TPRG1: variants seen among roughly 807,000 people sequenced by gnomAD.
The protein encoded by TPRG1 is tumor protein p63 regulated 1, also known as tumor protein p63-regulated gene 1 protein.
Under a neutral mutation model 29.3 loss-of-function variants are expected in TPRG1, and 29 were observed. The observed-to-expected ratio is 0.99, with a 90% CI of 0.74 to 1.35. TPRG1 has a LOEUF of 1.35. Ranked by LOEUF, TPRG1 falls within the 40% of genes most tolerant of loss-of-function variation. The pLI, the probability that TPRG1 is intolerant of heterozygous loss-of-function variation, is 0.00. For missense variants in TPRG1, 327 were observed against 335.0 expected, an observed-to-expected ratio of 0.98 and a Z score of 0.19; for synonymous variants, 130 against 116.8, an observed-to-expected ratio of 1.11 and a Z score of -0.73.
At chr3:189,245,761 G>A (rs1419689797) in intron 4 of TPRG1, among the ~76,000 whole-genome samples, 2 of 151,898 alleles carry the variant, frequency 1.3e-5, no homozygotes, top group Non-Finnish European at 2.9e-5. Context: ...TTACTGAGTG[G>A]AGTGCAAAAA....
intron 5 of TPRG1, among the ~76,000 whole-genome samples, chr3:189,156,501 G>A (rs1404236813): frequency 1.3e-5 from 2 of 152,194 alleles, no homozygotes; most frequent in African/African-American, 4.8e-5. Flanking sequence ...CAGGGATAAC[G>A]TTACAAGTTT....
intron 4 of TPRG1, among the ~76,000 whole-genome samples, chr3:189,282,946 G>A (rs2109147023): frequency 6.6e-6 from 1 of 152,302 alleles, no homozygotes; most frequent in South Asian, 2.1e-4. Context: ...TAGTGTGTGG[G>A]TTTAAGTGCT....
intron 4 of TPRG1, among the ~76,000 whole-genome samples, chr3:189,290,415 G>A (rs552023548): frequency 6.6e-6 from 1 of 152,184 alleles, no homozygotes; most frequent in African/African-American, 2.4e-5. Context: ...GCGATGAATC[G>A]ATAGAGTGTG....
intron 4 of TPRG1, among the ~76,000 whole-genome samples, chr3:189,269,746 C>G (rs6772511): frequency 6.6e-6 from 1 of 152,216 alleles, no homozygotes; most frequent in Admixed American, 6.5e-5. Flanking sequence ...TAATCTCCCT[C>G]ATTTTACAGT....
At chr3:189,167,151 G>A (rs542289611), upstream of TPRG1, among the ~76,000 whole-genome samples, 1 of 152,266 alleles carries the variant, frequency 6.6e-6, no homozygotes, top group East Asian at 1.9e-4. Context: ...GAGGTGACTG[G>A]ATGGTTTCCA....
chr3:189,123,672 GA>G (rs1033382965), intron 1 of TPRG1: 5 of 152,284 alleles, frequency 3.3e-5, no homozygotes, highest in African/African-American at 1.2e-4. Flanking sequence ...ATGCTAAAAG[GA>G]ACATGTTGTC....
intron 1 of TPRG1, among the ~76,000 whole-genome samples, chr3:189,197,843 T>C (rs1732797865): frequency 6.6e-6 from 1 of 152,176 alleles, no homozygotes. Flanking sequence ...AGATAAATGA[T>C]ACAATATTGG....
intron 3 of TPRG1, among the ~76,000 whole-genome samples, chr3:189,216,646 G>A (rs191019687): frequency 7.9e-5 from 12 of 152,246 alleles, no homozygotes; most frequent in East Asian, 3.9e-4. Flanking sequence ...GCCCCTCTTC[G>A]TTCACAAGTG....
chr3:189,292,358 G>A (rs1199554771), intron 4 of TPRG1, among the ~76,000 whole-genome samples: 2 of 99,986 alleles, frequency 2.0e-5, no homozygotes, highest in Admixed American at 1.1e-4. Context: ...TAAATTTTAT[G>A]TAAAAATAGT....
chr3:189,207,333 G>A, intron 1 of TPRG1, 43 bp from the exon 2 acceptor site: 2 of 1,605,884 alleles, frequency 1.2e-6, no homozygotes, highest in Admixed American at 3.3e-5. Flanking sequence ...CACAGGTACA[G>A]AGGTAACATT....
chr3:189,022,359 GGTT>G (rs1236006479), intron 3 of TPRG1, among the ~76,000 whole-genome samples: 1 of 145,172 alleles, frequency 6.9e-6, no homozygotes, highest in Non-Finnish European at 1.5e-5. Context: ...CCATCTTTGT[GGTT>G]TTATCTACTT....
At position 189,238,835 on chromosome 3, in the gene TPRG1, G is replaced by A. The variant is rs368818406; in HGVS notation, c.405G>A (p.Leu135=). Residue 135 remains leucine, a synonymous_variant, in exon 4 of 6, where the codon CTG becomes CTA. Transcript: ENST00000345063. ...YDFIMLSCVQ[L]QRIPLSAVYR... ...TCATCATGCTGAGTTGTGTGCAGCT[G>A]CAGCGGATTCCTCTGAGCGCTGTCT... The A allele has an allele frequency of 2.9e-5, 46 of 1,613,664 alleles. No homozygotes were observed. Among genetic ancestry groups the A allele is most frequent in the Non-Finnish European group, 3.6e-5 (42 of 1,179,756 alleles).
Position 189,321,017 on chromosome 3 carries a change from A to G in TPRG1, c.*197A>G, listed in dbSNP as rs1724263946. On this transcript the variant is annotated 3_prime_UTR_variant, in exon 6 of 6. Transcript: ENST00000345063. Reference sequence around the variant, plus strand: ...ACACTTTAGACCTCATACAAGAATAATCAAATTTTCTTAAAACTAGAAAAT... The same window carrying G: ...ACACTTTAGACCTCATACAAGAATAGTCAAATTTTCTTAAAACTAGAAAAT... The G allele has an allele frequency of 2.3e-6, 1 of 437,548 alleles. No homozygotes were observed. Among genetic ancestry groups the G allele is most frequent in the African/African-American group, 2.0e-5 (1 of 49,036 alleles). 27.1% of individuals were successfully genotyped at this position (437,548 alleles called of 1,614,324 possible). A position where few individuals can be genotyped will look rare whatever the true frequency, so the allele number is the denominator to read the frequency against.
rs891351596 is a variant in TPRG1, at chr3:189,060,306, G to A, written c.-463+36360G>A. Among the ~76,000 whole-genome samples the A allele has an allele frequency of 5.5e-4, 84 of 152,202 alleles. 1 individual carries two copies. Among genetic ancestry groups the A allele is most frequent in the African/African-American group, 1.9e-3 (80 of 41,524 alleles). Reference sequence around the variant, plus strand: ...AGGAACATACCTCAAAATAATAAGGGCCATCTATGACAAAGCCACAGCCAA... The same window carrying A: ...AGGAACATACCTCAAAATAATAAGGACCATCTATGACAAAGCCACAGCCAA... On this transcript the variant is annotated intron_variant, in intron 4 of 10. Coordinates refer to the TPRG1 transcript ENST00000433971.
At chr3:189,076,945 C>A (rs1717219318) in intron 4 of TPRG1, among the ~76,000 whole-genome samples, 1 of 137,208 alleles carries the variant, frequency 7.3e-6, no homozygotes, top group Non-Finnish European at 1.5e-5. Flanking sequence ...TATATATAGC[C>A]AATAAGCACA....
At chr3:189,122,850 G>T (rs1721993134) in intron 1 of TPRG1, among the ~76,000 whole-genome samples, 1 of 152,152 alleles carries the variant, frequency 6.6e-6, no homozygotes, top group Admixed American at 6.5e-5. Context: ...TTTAACAAAT[G>T]AAAAAATTGA....
At chr3:189,268,114 T>C (rs924266116) in intron 4 of TPRG1, among the ~76,000 whole-genome samples, 1 of 152,262 alleles carries the variant, frequency 6.6e-6, no homozygotes, top group Non-Finnish European at 1.5e-5. Context: ...TTGGAGCTTA[T>C]GGACTTACCA....
chr3:189,262,644 C>T (rs948819454), intron 4 of TPRG1, among the ~76,000 whole-genome samples: 6 of 152,036 alleles, frequency 3.9e-5, no homozygotes, highest in South Asian at 4.2e-4. Context: ...ATGGGGTGTG[C>T]GAATTATCAA....
intron 4 of TPRG1, among the ~76,000 whole-genome samples, chr3:189,276,057 G>T (rs1442494861): frequency 6.6e-6 from 1 of 152,110 alleles, no homozygotes; most frequent in Non-Finnish European, 1.5e-5. Context: ...CAAAAAAAAT[G>T]AGAAGTGCTA....
Sources: gnomAD v4.1 joint callset for allele counts (sites outside exome capture counted in the v4.1 genomes callset) on GRCh38, gnomAD v4.1.1 for gene constraint, MANE v1.5 for transcripts, NCBI Gene and HGNC (gene_info 2026-07-23, HGNC 2026-07-21) for gene names.